The following LARP4B variants were observed in gnomAD, a reference collection of about 807,000 sequenced individuals.
The protein encoded by LARP4B is La ribonucleoprotein 4B.
In LARP4B, 12 loss-of-function variants were observed where a neutral mutation model predicts 89.8. That is an observed-to-expected ratio of 0.13 (90% confidence interval 0.09 to 0.22). LARP4B has a LOEUF of 0.22. LARP4B is among the 10% of genes least tolerant of loss of function. LARP4B has a pLI of 1.00. For synonymous variants in LARP4B, 367 were observed against 363.3 expected (o/e 1.01, Z -0.12); for missense variants, 757 against 947.7 (o/e 0.80, Z 2.64).
intron 1 of LARP4B, among the ~76,000 whole-genome samples, chr10:904,099 A>T (rs1485828869): frequency 6.6e-6 from 1 of 152,202 alleles, no homozygotes; most frequent in Non-Finnish European, 1.5e-5. Context: ...CAAGTGAAAA[A>T]TTCTGATGTT....
chr10:869,162 C>T (rs1835062547), intron 3 of LARP4B, among the ~76,000 whole-genome samples: 1 of 152,112 alleles, frequency 6.6e-6, no homozygotes, highest in Admixed American at 6.5e-5. Context: ...AAGACAGAAC[C>T]AAGATTTCAT....
chr10:930,347 G>A (rs779174002), intron 1 of LARP4B, among the ~76,000 whole-genome samples: 5 of 152,290 alleles, frequency 3.3e-5, no homozygotes, highest in Middle Eastern at 3.4e-3. Context: ...GCCCTGTCAA[G>A]GAAAACCTTC....
intron 3 of LARP4B, among the ~76,000 whole-genome samples, chr10:882,075 G>C: frequency 6.6e-6 from 1 of 151,714 alleles, no homozygotes; most frequent in South Asian, 2.1e-4. Flanking sequence ...CCCATCCTTA[G>C]AGACAGGGCC....
At chr10:866,222 T>C (rs1437239498) in intron 3 of LARP4B, among the ~76,000 whole-genome samples, 1 of 152,048 alleles carries the variant, frequency 6.6e-6, no homozygotes, top group Non-Finnish European at 1.5e-5. Flanking sequence ...TTTTAAGTAC[T>C]GGTGATAGGG....
intron 1 of LARP4B, among the ~76,000 whole-genome samples, chr10:894,641 T>C (rs1158384340): frequency 6.6e-6 from 1 of 152,232 alleles, no homozygotes; most frequent in Non-Finnish European, 1.5e-5. Context: ...ATTAATTTTA[T>C]TGAGTTCCAA....
At chr10:817,696 A>G (rs1354501143) in intron 15 of LARP4B, 29 bp downstream of exon 15, 1 of 1,596,608 alleles carries the variant, frequency 6.3e-7, no homozygotes, top group Non-Finnish European at 8.6e-7. Flanking sequence ...CACTGTTGGC[A>G]ACTATTAGAC....
intron 3 of LARP4B, among the ~76,000 whole-genome samples, chr10:877,365 A>G (rs1270163254): frequency 2.0e-5 from 2 of 101,708 alleles, no homozygotes; most frequent in East Asian, 3.0e-4. Context: ...TGGGTGACAG[A>G]GCAAGACCCT....
intron 1 of LARP4B, among the ~76,000 whole-genome samples, chr10:929,813 C>G (rs1036867055): frequency 6.6e-6 from 1 of 151,978 alleles, no homozygotes; most frequent in East Asian, 1.9e-4. Context: ...TTTCAAAATA[C>G]CGGATAAAAT....
At position 844,914 on chromosome 10, in the gene LARP4B, T is replaced by C. The variant is rs1833700195; in HGVS notation, c.509+63A>G. ...CTTCATAAAATATCACATTTGTATA[T>C]ACTTTAACTATTTGCACAATACTAG... is the stretch of plus-strand genomic sequence containing the variant. On this transcript the variant is annotated intron_variant, in intron 6 of 17. Coordinates refer to ENST00000316157, the MANE Select transcript of LARP4B (RefSeq NM_015155.3). 5.8e-6 allele frequency: 7 copies of C among 1,204,422 alleles called. No homozygotes were observed. The South Asian group carries it at 7.9e-5, about 14-fold the overall frequency. The allele number at this position is 1,204,422 out of a possible 1,614,324, so 74.6% of individuals were successfully genotyped here.
At chr10:842,358 C>G (rs1471775337) in intron 7 of LARP4B, among the ~76,000 whole-genome samples, 1 of 152,112 alleles carries the variant, frequency 6.6e-6, no homozygotes, top group Non-Finnish European at 1.5e-5. Flanking sequence ...CCACCACGCC[C>G]AGCTAATTTT....
At chr10:929,954 A>G (rs1451619189) in intron 1 of LARP4B, among the ~76,000 whole-genome samples, 1 of 152,208 alleles carries the variant, frequency 6.6e-6, no homozygotes, top group Non-Finnish European at 1.5e-5. Flanking sequence ...TATTTCTTAT[A>G]TGGTTTGATT....
At chr10:915,614 C>A (rs1836796540) in intron 1 of LARP4B, among the ~76,000 whole-genome samples, 1 of 152,004 alleles carries the variant, frequency 6.6e-6, no homozygotes, top group South Asian at 2.1e-4. Context: ...ACCATCCTGG[C>A]TAACACGGTG....
chr10:825,039 T>C (rs1323278781), intron 13 of LARP4B, 26 bp downstream of exon 13: 2 of 1,600,240 alleles, frequency 1.2e-6, no homozygotes, highest in African/African-American at 1.3e-5. Context: ...TTTATGATGT[T>C]ACACAGTAAC....
chr10:967,586 C>T, the LARP4B span, among the ~76,000 whole-genome samples: 1 of 152,288 alleles, frequency 6.6e-6, no homozygotes, highest in African/African-American at 2.4e-5. Flanking sequence ...ACAAAGCATG[C>T]CACGAAATCG....
rs192793124 is a variant in LARP4B, at chr10:822,128, G to A, written c.1485-1283C>T. On this transcript the variant is annotated intron_variant, in intron 13 of 17. Transcript: ENST00000316157. This position sits in a 1 kb window ranked among gnomAD's most constrained non-coding sequence, Gnocchi z 4.6. ...GGGAGCTGAACTCCTACTCCGCTGC[G>A]CCAGGATTCAGAAGTAGTGGAAAGG... 6.8e-4 allele frequency among the ~76,000 whole-genome samples: 103 copies of A among 152,320 alleles called. 1 individual carries two copies. The Middle Eastern group carries it at 0.01, about 15-fold the overall frequency.
At chr10:868,471 G>A (rs982733263) in intron 3 of LARP4B, among the ~76,000 whole-genome samples, 10 of 150,974 alleles carry the variant, frequency 6.6e-5, no homozygotes, top group African/African-American at 2.2e-4. Context: ...GTAACGCTTC[G>A]TATGAGAATA....
chr10:829,349 T>C (rs1402348597), intron 11 of LARP4B, 36 bp downstream of exon 11: 6 of 1,513,864 alleles, frequency 4.0e-6, no homozygotes, highest in Non-Finnish European at 4.5e-6. Flanking sequence ...TAGCATAGTG[T>C]CTACAACATA....
At chr10:839,878 C>T (rs766257617) in intron 7 of LARP4B, among the ~76,000 whole-genome samples, 1 of 152,134 alleles carries the variant, frequency 6.6e-6, no homozygotes, top group African/African-American at 2.4e-5. Flanking sequence ...GGTCAAAACC[C>T]GGCAATAACC....
Position 825,817 on chromosome 10 carries a change from G to T in LARP4B, c.1179C>A (p.Phe393Leu). The T allele has an allele frequency of 6.2e-7, 1 of 1,613,888 alleles. No homozygotes were observed. The highest frequency in any genetic ancestry group is 8.5e-7 in the Non-Finnish European group (1 of 1,179,864). Reference protein sequence around the residue: ...GFINGFTSPAFKPAASPLTSL... With the variant: ...GFINGFTSPALKPAASPLTSL... ...AAGTCAGAGGAGACGCCGCAGGCTT[G>T]AACGCTGGAGACGTAAACCCATTTA... is the stretch of plus-strand genomic sequence containing the variant. The change falls in exon 12 of 18, where the codon TTC becomes TTA. Residue 393 changes from phenylalanine (F) to leucine (L), a missense_variant. Physicochemically the swap from Phe to Leu is conservative, Grantham distance 22 (BLOSUM62 0). Coordinates refer to ENST00000316157, the MANE Select transcript of LARP4B (RefSeq NM_015155.3).
Sources: allele counts gnomAD v4.1 joint callset (sites outside exome capture counted in the v4.1 genomes callset), GRCh38; gene constraint gnomAD v4.1.1; non-coding constraint Gnocchi (gnomAD v3.1); transcripts MANE v1.5; gene names NCBI Gene and HGNC (gene_info 2026-07-23, HGNC 2026-07-21).